The following ZFR variants were observed in gnomAD, a reference collection of about 807,000 sequenced individuals.
ZFR encodes zinc finger RNA-binding protein.
A neutral mutation model predicts 130.7 loss-of-function variants in ZFR; 19 were observed. That is an observed-to-expected ratio of 0.15 (90% CI 0.10 to 0.21). The LOEUF is 0.21. Ranked by LOEUF, ZFR falls within the 10% of genes least tolerant of loss-of-function variation. The probability of loss-of-function intolerance (pLI) is 1.00; values close to 1 mark genes in which losing one functional copy is unlikely to be tolerated. For synonymous variants in ZFR, 466 were observed against 456.9 expected (o/e 1.02, Z -0.25); for missense variants, 872 against 1,321.5 (o/e 0.66, Z 5.27).
intron 8 of ZFR, among the ~76,000 whole-genome samples, chr5:32,401,534 G>A (rs1159794906): frequency 2.6e-5 from 4 of 152,148 alleles, no homozygotes; most frequent in Non-Finnish European, 5.9e-5. Context: ...AACATGGTGT[G>A]AAAAAGGCTA....
At chr5:32,366,667 A>G (rs1346365118) in intron 17 of ZFR, among the ~76,000 whole-genome samples, 1 of 152,194 alleles carries the variant, frequency 6.6e-6, no homozygotes, top group East Asian at 1.9e-4. Context: ...AAATAGAAGA[A>G]TATAATTCAA....
chr5:32,427,172 T>C lies in ZFR; in HGVS notation c.138-7069A>G, dbSNP rs76189745. 7.5e-3 allele frequency among the ~76,000 whole-genome samples: 1,134 copies of C among 152,018 alleles called. 18 individuals carry two copies. The highest frequency in any genetic ancestry group is 0.026 in the African/African-American group (1,079 of 41,492). Reference sequence around the variant, plus strand: ...TGTGGCTGGCTCAAGCCTGTAATCCTAGCACTTTCAGAGGCTAAGCTGGGA... The same window carrying C: ...TGTGGCTGGCTCAAGCCTGTAATCCCAGCACTTTCAGAGGCTAAGCTGGGA... On this transcript the variant is annotated intron_variant, in intron 2 of 19. Coordinates refer to ENST00000265069, the MANE Select transcript of ZFR (RefSeq NM_016107.5).
intron 19 of ZFR, among the ~76,000 whole-genome samples, chr5:32,360,925 C>T (rs975743541): frequency 1.3e-5 from 2 of 152,166 alleles, no homozygotes; most frequent in Non-Finnish European, 2.9e-5. Flanking sequence ...GATCCTCCCA[C>T]CTCAAGCCAC....
intron 19 of ZFR, among the ~76,000 whole-genome samples, chr5:32,362,387 A>T (rs1752455140): frequency 6.6e-6 from 1 of 152,206 alleles, no homozygotes; most frequent in African/African-American, 2.4e-5. Flanking sequence ...GTGGAAGGAA[A>T]TATGGAATCA....
intron 1 of ZFR, 116 bp downstream of exon 1, chr5:32,444,506 G>T (rs1325023322): frequency 7.6e-7 from 1 of 1,319,600 alleles, no homozygotes; most frequent in Non-Finnish European, 9.9e-7. Flanking sequence ...TCACTCGCAC[G>T]CCCGGGTGGC....
At chr5:32,440,571 C>G (rs995107639) in intron 2 of ZFR, among the ~76,000 whole-genome samples, 15 of 151,578 alleles carry the variant, frequency 9.9e-5, no homozygotes, top group Non-Finnish European at 1.9e-4. Flanking sequence ...CACTTGAACC[C>G]GAGAGGCAGA....
intron 2 of ZFR, among the ~76,000 whole-genome samples, chr5:32,428,436 T>C (rs1754124632): frequency 6.6e-6 from 1 of 152,010 alleles, no homozygotes; most frequent in Non-Finnish European, 1.5e-5. Context: ...TAGTCTAGCC[T>C]GTAGGTACAT....
chr5:32,422,750 T>C (rs752870771), intron 2 of ZFR, among the ~76,000 whole-genome samples: 6 of 129,642 alleles, frequency 4.6e-5, no homozygotes, highest in Non-Finnish European at 6.2e-5. Context: ...CGGTGAACCA[T>C]GATTGTGCCA....
At chr5:32,427,807 A>G (rs1425081223) in intron 2 of ZFR, among the ~76,000 whole-genome samples, 1 of 152,222 alleles carries the variant, frequency 6.6e-6, no homozygotes, top group Non-Finnish European at 1.5e-5. Context: ...GAGGACCCAG[A>G]TATATAGCCT....
chr5:32,419,985 T>C lies in ZFR; in HGVS notation c.256A>G (p.Thr86Ala), dbSNP rs771166535. 1 of 1,613,864 alleles carries C rather than the reference T, an allele frequency of 6.2e-7. No homozygotes were observed. The highest frequency in any genetic ancestry group is 2.2e-5 in the East Asian group (1 of 44,874). The change falls in exon 3 of 20, where the codon ACA becomes GCA. Residue 86 changes from threonine to alanine, a missense_variant. By Grantham distance (58) the Thr-to-Ala change is moderately conservative (BLOSUM62 0). This residue lies in a region of ZFR where 240 missense variants were observed against 441.2 expected (regional missense o/e 0.54). Coordinates refer to ENST00000265069, the MANE Select transcript of ZFR (RefSeq NM_016107.5). Reference protein sequence around the residue: ...VTAAYAPAAATVAVARPAPVA... With the variant: ...VTAAYAPAAAAVAVARPAPVA... Reference sequence around the variant, plus strand: ...GGAGCAGGCCTGGCAACTGCAACTGTGGCGGCTGCTGGTGCATAGGCAGCA... The same window carrying C: ...GGAGCAGGCCTGGCAACTGCAACTGCGGCGGCTGCTGGTGCATAGGCAGCA...
At chr5:32,359,108 G>A (rs142471916) in intron 19 of ZFR, among the ~76,000 whole-genome samples, 17 of 151,972 alleles carry the variant, frequency 1.1e-4, no homozygotes, top group Non-Finnish European at 2.4e-4. Flanking sequence ...TGTGTGAGAC[G>A]GGGAGGTTGA....
Position 32,406,972 on chromosome 5 carries a change from G to C in ZFR, c.834C>G (p.Ser278=). The change falls in exon 6 of 20, where the codon TCC becomes TCG. Residue 278 remains serine, a synonymous_variant. Transcript: ENST00000265069. ...GTTGCTGCTGCTGCTGTTGATAGTA[G>C]GAAGATGCAGCTGAATACACTGCTG... ...YEAAVYSAAS[S]YYQQQQQQQK... is the part of the protein sequence containing the mutation. 6.3e-7 allele frequency: 1 copy of C among 1,585,208 alleles called. No individual in the cohort carries two copies. Among genetic ancestry groups the C allele is most frequent in the African/African-American group, 1.4e-5 (1 of 72,808 alleles).
At chr5:32,395,133 A>T in intron 11 of ZFR, 26 bp downstream of exon 11, 1 of 1,562,052 alleles carries the variant, frequency 6.4e-7, no homozygotes, top group Non-Finnish European at 8.6e-7. Flanking sequence ...ACCACTTACC[A>T]GGCTATTAAA....
At chr5:32,412,601 G>C (rs1464978688) in intron 5 of ZFR, among the ~76,000 whole-genome samples, 3 of 152,216 alleles carry the variant, frequency 2.0e-5, no homozygotes, top group African/African-American at 7.2e-5. Context: ...GTATTAGATA[G>C]TATAGTATCC....
At chr5:32,361,835 A>G (rs1477803019) in intron 19 of ZFR, among the ~76,000 whole-genome samples, 2 of 152,042 alleles carry the variant, frequency 1.3e-5, no homozygotes, top group Non-Finnish European at 2.9e-5. Context: ...GTTGGTCTCA[A>G]ACTCCTGACC....
Position 32,395,215 on chromosome 5 carries a change from C to G in ZFR, c.1923G>C (p.Gln641His), listed in dbSNP as rs1447095434. 1 of 1,611,074 alleles carries G rather than the reference C, an allele frequency of 6.2e-7. No homozygotes were observed. The highest frequency in any genetic ancestry group is 8.5e-7 in the Non-Finnish European group (1 of 1,178,434). Reference sequence around the variant, plus strand: ...CTCGTCTTCGCCAGTACTCCTCCTTCTGCATTTGCTTCCTCATTTTCTCTT... The same window carrying G: ...CTCGTCTTCGCCAGTACTCCTCCTTGTGCATTTGCTTCCTCATTTTCTCTT... ...IQEEKMRKQM[Q>H]KEEYWRRREE... Residue 641 changes from glutamine (Q) to histidine (H), a missense_variant, in exon 11 of 20, where the codon CAG becomes CAC. Gln to His is a conservative substitution (Grantham distance 24, BLOSUM62 0). Around this residue, in one of 7 missense-constraint regions of ZFR, gnomAD observed 225 missense variants for 282.4 expected, o/e 0.80. Coordinates refer to ENST00000265069, the MANE Select transcript of ZFR (RefSeq NM_016107.5).
At chr5:32,388,702 A>T in intron 12 of ZFR, 28 bp from the exon 13 acceptor site, 3 of 1,544,174 alleles carry the variant, frequency 1.9e-6, no homozygotes, top group Non-Finnish European at 1.7e-6. Context: ...TGCTCAATTT[A>T]AAAAAAAGTT....
chr5:32,393,504 G>A (rs141903424), intron 11 of ZFR, among the ~76,000 whole-genome samples: 5 of 151,964 alleles, frequency 3.3e-5, no homozygotes, highest in East Asian at 1.9e-4. Flanking sequence ...CCACCACGCC[G>A]GCTAATTTTG....
In ZFR at chr5:32,395,342, C is replaced by G. The variant is rs1753279209; in HGVS notation, c.1834-38G>C. Reference sequence around the variant, plus strand: ...ATAAGACATTTAAAAAACAGCAGCCCCAAAACAATCTACATGTATTTTTAA... The same window carrying G: ...ATAAGACATTTAAAAAACAGCAGCCGCAAAACAATCTACATGTATTTTTAA... On this transcript the variant is annotated intron_variant, in intron 10 of 19. Transcript: ENST00000265069. 6 of 1,419,746 alleles carry G rather than the reference C, an allele frequency of 4.2e-6. No homozygotes were observed. The East Asian group carries it at 1.6e-4, about 37-fold the overall frequency. The allele number at this position is 1,419,746 out of a possible 1,614,324, so 87.9% of individuals were successfully genotyped here.
Sources: allele counts gnomAD v4.1 joint callset (sites outside exome capture counted in the v4.1 genomes callset), GRCh38; gene constraint gnomAD v4.1.1; regional missense constraint gnomAD v4.1.1; transcripts MANE v1.5; gene names NCBI Gene and HGNC (gene_info 2026-07-23, HGNC 2026-07-21).